Variants in NLRP1 observed in about 807,000 individuals in gnomAD.
NLRP1 encodes the protein NACHT, LRR and PYD domains-containing protein 1.
NLRP1 carries 94 observed loss-of-function variants against 136.7 expected under a neutral mutation model. The observed-to-expected ratio is 0.69, with a 90% CI of 0.58 to 0.82. NLRP1 has a LOEUF of 0.82. Among genes scored for constraint, NLRP1 ranks in the 40% least tolerant of loss-of-function variants. The probability of loss-of-function intolerance (pLI) is 0.00; values close to 1 mark genes in which losing one functional copy is unlikely to be tolerated. For missense variants in NLRP1, 1,575 were observed against 1,802.7 expected (o/e 0.87, Z 2.29); for synonymous variants, 690 against 725.1 (o/e 0.95, Z 0.78).
chr17:5,530,404 A>C, intron 12 of NLRP1, 77 bp downstream of exon 12: 5 of 1,353,898 alleles, frequency 3.7e-6, no homozygotes, highest in East Asian at 2.3e-5. Context: ...ACCCTCTCCC[A>C]GGAGATTATC....
chr17:5,560,179 C>A, intron 3 of NLRP1, 136 bp from the exon 4 acceptor site: 1 of 799,872 alleles, frequency 1.3e-6, no homozygotes, highest in South Asian at 2.3e-5. Context: ...TCTTGCCATG[C>A]GGCGGAAGGA....
chr17:5,578,932 TA>T (rs1162856338), intron 3 of NLRP1, among the ~76,000 whole-genome samples: 2 of 152,094 alleles, frequency 1.3e-5, no homozygotes, highest in Non-Finnish European at 2.9e-5. Flanking sequence ...TATGCAGCCA[TA>T]AAAAAGGATG....
chr17:5,547,198 C>T (rs530488847), intron 5 of NLRP1, among the ~76,000 whole-genome samples: 11 of 152,124 alleles, frequency 7.2e-5, no homozygotes, highest in African/African-American at 2.7e-4. Flanking sequence ...CATACATGAC[C>T]CTAAATACAT....
chr17:5,507,089 A>T (rs1470148842), intron 15 of NLRP1, among the ~76,000 whole-genome samples: 1 of 152,108 alleles, frequency 6.6e-6, no homozygotes, highest in Non-Finnish European at 1.5e-5. Flanking sequence ...CAGGGGCTGA[A>T]AGGAGGCAGG....
rs765651030 is a variant in NLRP1, at chr17:5,532,931, CAGG to C, written c.3184_3186del (p.Pro1062del). The C allele has an allele frequency of 1.9e-6, 3 of 1,614,030 alleles. No individual in the cohort carries two copies. In the East Asian group the frequency reaches 6.7e-5, roughly 36 times the overall value. Reference sequence around the variant, plus strand: ...TTCGTATGCAGGTCCCCTTGAGAGGCAGGAGAAGGCACGCACAAGAGTTCCACC... The same window carrying C: ...TTCGTATGCAGGTCCCCTTGAGAGGCAGAAGGCACGCACAAGAGTTCCACC... On this transcript the variant is annotated inframe_deletion, in exon 11 of 17. Transcript: ENST00000572272.
intron 3 of NLRP1, among the ~76,000 whole-genome samples, chr17:5,563,182 C>G (rs917659472): frequency 1.3e-5 from 2 of 152,172 alleles, no homozygotes; most frequent in Non-Finnish European, 2.9e-5. Context: ...GAGAAAGAAC[C>G]AGCTCAAGAG....
Position 5,539,409 on chromosome 17 carries a change from C to G in NLRP1, c.2870+6G>C. 6.2e-7 allele frequency: 1 copy of G among 1,609,474 alleles called. No homozygotes were observed. Among genetic ancestry groups the G allele is most frequent in the East Asian group, 2.2e-5 (1 of 44,850 alleles). ...CTCTGCCCAGAAGGGACCCACAGGG[C>G]CTTACCCCAGGCGTATGAGTTTGCA... On this transcript the variant is annotated splice_donor_region_variant and intron_variant, in intron 7 of 16. Transcript: ENST00000572272.
In NLRP1 at chr17:5,582,805, G is replaced by A; in HGVS notation, c.313C>T (p.Leu105=). 1.2e-6 allele frequency: 2 copies of A among 1,613,814 alleles called. No individual in the cohort carries two copies. The highest frequency in any genetic ancestry group is 1.7e-6 in the Non-Finnish European group (2 of 1,179,786). ...SFPYSPSEPH[L]GSPSQPTSTA... ...GAGGTGGGTTGGCTGGGAGACCCCAGGTGGGGTTCACTTGGGCTGTAGGGG... is the reference window on the plus strand; with the variant it reads ...GAGGTGGGTTGGCTGGGAGACCCCAAGTGGGGTTCACTTGGGCTGTAGGGG... Residue 105 remains leucine (L), a synonymous_variant, in exon 2 of 17, where the codon CTG becomes TTG. Transcript: ENST00000572272.
intron 15 of NLRP1, chr17:5,502,019 G>A: frequency 1.5e-6 from 1 of 684,750 alleles, no homozygotes; most frequent in South Asian, 1.6e-5. Flanking sequence ...AGGCCCCGGG[G>A]TGAACCAAGG....
intron 12 of NLRP1, among the ~76,000 whole-genome samples, chr17:5,525,276 G>A (rs758101088): frequency 3.9e-5 from 6 of 152,230 alleles, no homozygotes; most frequent in Non-Finnish European, 5.9e-5. Flanking sequence ...GGAAAGACAT[G>A]GGCACTGCAA....
At position 5,536,976 on chromosome 17, in the gene NLRP1, C is replaced by T. The variant is rs763734244; in HGVS notation, c.2871-36G>A. On this transcript the variant is annotated intron_variant, in intron 7 of 16. Coordinates refer to ENST00000572272, the MANE Select transcript of NLRP1 (RefSeq NM_033004.4). ...AAAGGGAGCCGGGTCCTCCTGGGAT[C>T]CCCCATGTGGTCCCCAGGTCCCCAG... is the stretch of plus-strand genomic sequence containing the variant. 3 of 1,490,868 alleles carry T rather than the reference C, an allele frequency of 2.0e-6. No homozygotes were observed. In the East Asian group the frequency reaches 6.8e-5, roughly 34 times the overall value. 92.4% of individuals were successfully genotyped at this position (1,490,868 alleles called of 1,614,324 possible). A position where few individuals can be genotyped will look rare whatever the true frequency, so the allele number is the denominator to read the frequency against.
At chr17:5,550,615 T>G (rs1182864448) in intron 5 of NLRP1, among the ~76,000 whole-genome samples, 1 of 152,156 alleles carries the variant, frequency 6.6e-6, no homozygotes, top group Non-Finnish European at 1.5e-5. Context: ...GGTGTCAAAT[T>G]TTGTTGGTAT....
chr17:5,578,241 A>G (rs1450893151), intron 3 of NLRP1, among the ~76,000 whole-genome samples: 4 of 152,246 alleles, frequency 2.6e-5, no homozygotes, highest in African/African-American at 9.6e-5. Context: ...AATGGCAACA[A>G]AAGCCAAAAT....
At position 5,514,543 on chromosome 17, in the gene NLRP1, C is replaced by T. The variant is rs1907845292; in HGVS notation, c.*211G>A. On this transcript the variant is annotated 3_prime_UTR_variant, in exon 17 of 17. Coordinates refer to ENST00000572272, the MANE Select transcript of NLRP1 (RefSeq NM_033004.4). ...GTCTTGCCAGCTCCAGATGGACATTCCCTGAGATGCTGTTAGGCCACCTGG... is the reference window on the plus strand; with the variant it reads ...GTCTTGCCAGCTCCAGATGGACATTTCCTGAGATGCTGTTAGGCCACCTGG... 7.0e-7 allele frequency: 1 copy of T among 1,420,690 alleles called. No homozygotes were observed. Among genetic ancestry groups the T allele is most frequent in the Non-Finnish European group, 9.2e-7 (1 of 1,091,122 alleles). 88.0% of individuals were successfully genotyped at this position (1,420,690 alleles called of 1,614,324 possible).
downstream of NLRP1, among the ~76,000 whole-genome samples, chr17:5,509,696 G>C (rs931451325): frequency 6.6e-6 from 1 of 152,162 alleles, no homozygotes; most frequent in Non-Finnish European, 1.5e-5. Flanking sequence ...GTAGAGATGG[G>C]GTTTTGCTAT....
intron 3 of NLRP1, among the ~76,000 whole-genome samples, chr17:5,579,355 A>C (rs559995228): frequency 6.8e-6 from 1 of 147,152 alleles, no homozygotes; most frequent in South Asian, 2.1e-4. Flanking sequence ...CCTTCTCTGG[A>C]AAAAAAGAAA....
intron 1 of NLRP1, 136 bp from the exon 2 acceptor site, chr17:5,582,982 T>C (rs1597492833): frequency 1.1e-5 from 7 of 658,618 alleles, no homozygotes; most frequent in South Asian, 1.0e-4. Context: ...CTCTACAACT[T>C]CCTCTAGAGG....
intron 10 of NLRP1, 104 bp downstream of exon 10, chr17:5,533,200 C>T (rs72827627): frequency 0.028 from 42,204 of 1,525,396 alleles, 676 homozygotes; most frequent in Non-Finnish European, 0.033. Flanking sequence ...ATCTCCCCTT[C>T]CCCACTGGAA....
intron 3 of NLRP1, among the ~76,000 whole-genome samples, chr17:5,579,615 A>G (rs1905375230): frequency 6.6e-6 from 1 of 152,230 alleles, no homozygotes; most frequent in South Asian, 2.1e-4. Flanking sequence ...AGAGCATTCT[A>G]CCATAAAGAT....
Sources: gnomAD v4.1 joint callset for allele counts (sites outside exome capture counted in the v4.1 genomes callset) on GRCh38, gnomAD v4.1.1 for gene constraint, MANE v1.5 for transcripts, NCBI Gene and HGNC (gene_info 2026-07-23, HGNC 2026-07-21) for gene names.